Variants in HLA-DRB1 observed in about 807,000 individuals in gnomAD.
The protein encoded by HLA-DRB1 is major histocompatibility complex, class II, DR beta 1 precursor.
HLA-DRB1 carries 10 observed loss-of-function variants against 27.9 expected under a neutral mutation model. That is an observed-to-expected ratio of 0.36 (90% CI 0.22 to 0.61). The LOEUF (loss-of-function observed/expected upper bound fraction) is 0.61. Ranked by LOEUF, HLA-DRB1 falls within the 20% of genes least tolerant of loss-of-function variation. The pLI, the probability that HLA-DRB1 is intolerant of heterozygous loss-of-function variation, is 0.73. For missense variants in HLA-DRB1, 118 were observed against 306.3 expected, an observed-to-expected ratio of 0.39 and a Z score of 4.59; for synonymous variants, 57 against 126.7, an observed-to-expected ratio of 0.45 and a Z score of 3.69.
exon 1 of HLA-DRB1, chr6:32,589,813 T>A (rs1446503762): frequency 0.014 from 4,813 of 355,302 alleles, 8 homozygotes; most frequent in African/African-American, 0.1. Flanking sequence ...TATGAACCCC[T>A]CCACCCACAT....
In HLA-DRB1 at chr6:32,585,172, A is replaced by G. The variant is rs1776218697; in HGVS notation, c.101-794T>C. Among the ~76,000 whole-genome samples the G allele has an allele frequency of 8.5e-5, 8 of 94,382 alleles. 2 individuals are homozygous for G. Among genetic ancestry groups the G allele is most frequent in the Non-Finnish European group, 1.5e-4 (7 of 47,544 alleles). 61.9% of individuals were successfully genotyped at this position (94,382 alleles called of 152,430 possible). A position where few individuals can be genotyped will look rare whatever the true frequency, so the allele number is the denominator to read the frequency against. ...GACATATACAACGTTTAAAATGATA[A>G]ATGCAAAATGAATGAAAGTTTCTCC... On this transcript the variant is annotated intron_variant, in intron 1 of 5. Transcript: ENST00000360004.
chr6:32,589,432 T>TGCC (rs1777028968), intron 1 of HLA-DRB1, among the ~76,000 whole-genome samples: 1 of 71,596 alleles, frequency 1.4e-5, no homozygotes, highest in Admixed American at 1.7e-4. Flanking sequence ...AAGAAATGAT[T>TGCC]TGTGCAAAGG....
rs556119662 is a variant in HLA-DRB1, at chr6:32,587,886, G to C, written c.100+1757C>G. Among the ~76,000 whole-genome samples, 11 of 147,992 alleles carry C rather than the reference G, an allele frequency of 7.4e-5. No individual in the cohort carries two copies. In the South Asian group the frequency reaches 1.8e-3, roughly 24 times the overall value. Reference sequence around the variant, plus strand: ...CTAACTTAATCAAATAGAATGATTTGAACCTAGAATGGAGCCCAGTAAAGA... The same window carrying C: ...CTAACTTAATCAAATAGAATGATTTCAACCTAGAATGGAGCCCAGTAAAGA... On this transcript the variant is annotated intron_variant, in intron 1 of 5. Transcript: ENST00000360004.
intron 1 of HLA-DRB1, among the ~76,000 whole-genome samples, chr6:32,587,880 T>A (rs1385539521): frequency 6.7e-6 from 1 of 148,192 alleles, no homozygotes; most frequent in African/African-American, 2.5e-5. Flanking sequence ...TCAAATAGAA[T>A]GATTTGAACC....
intron 1 of HLA-DRB1, among the ~76,000 whole-genome samples, chr6:32,587,634 C>T (rs9270157): frequency 0.14 from 7,225 of 53,128 alleles, 517 homozygotes; most frequent in Middle Eastern, 0.24. Context: ...TAGATCTTCA[C>T]GACTGTCTAC....
In HLA-DRB1 at chr6:32,583,733, T is replaced by C. The variant is rs28724067; in HGVS notation, c.370+376A>G. Among the ~76,000 whole-genome samples the C allele has an allele frequency of 2.4e-3, 100 of 41,186 alleles. 2 individuals carry two copies. The highest frequency in any genetic ancestry group is 4.1e-3 in the East Asian group (6 of 1,478). 27.0% of individuals were successfully genotyped at this position (41,186 alleles called of 152,430 possible). Reference sequence around the variant, plus strand: ...TCACCCCAACCACACACACCTTACATTTCCCTTCCCTGCATCTCTAAGGAC... The same window carrying C: ...TCACCCCAACCACACACACCTTACACTTCCCTTCCCTGCATCTCTAAGGAC... On this transcript the variant is annotated intron_variant, in intron 2 of 5. Transcript: ENST00000360004.
intron 2 of HLA-DRB1, among the ~76,000 whole-genome samples, chr6:32,583,142 G>A (rs28724036): frequency 0.26 from 16,609 of 63,268 alleles, 5,001 homozygotes; most frequent in Admixed American, 0.3. Flanking sequence ...ATATTAGACC[G>A]TAGATCATTG....
intron 1 of HLA-DRB1, among the ~76,000 whole-genome samples, chr6:32,587,824 T>C (rs17210083): frequency 0.27 from 29,708 of 110,300 alleles, 4,928 homozygotes; most frequent in African/African-American, 0.32. Context: ...CTGTCTCCTC[T>C]ACTCTTGTGT....
chr6:32,580,516 A>G (rs112216378), intron 4 of HLA-DRB1, among the ~76,000 whole-genome samples: 2,807 of 123,314 alleles, frequency 0.023, 338 homozygotes, highest in East Asian at 0.057. Context: ...TCTCAAACCA[A>G]AGGACCCCTA....
At chr6:32,584,539 C>T (rs41285667) in intron 1 of HLA-DRB1, among the ~76,000 whole-genome samples, 161 bp from the exon 2 acceptor site, 45,234 of 137,882 alleles carry the variant, frequency 0.33, 3,651 homozygotes, top group Middle Eastern at 0.41. Flanking sequence ...CATCCTCCGT[C>T]TTCCTGAGGC....
chr6:32,582,212 CTG>C (rs1775641063), intron 2 of HLA-DRB1, among the ~76,000 whole-genome samples: 1 of 140,686 alleles, frequency 7.1e-6, no homozygotes, highest in Non-Finnish European at 1.5e-5. Flanking sequence ...TTTGATTCTT[CTG>C]TGTCTCAACT....
At chr6:32,585,153 T>C (rs9270010) in intron 1 of HLA-DRB1, among the ~76,000 whole-genome samples, 39,483 of 76,116 alleles carry the variant, frequency 0.52, 12,437 homozygotes, top group Middle Eastern at 0.66. Flanking sequence ...GATAGACATA[T>C]ACAACGTTTA....
At position 32,580,528 on chromosome 6, in the gene HLA-DRB1, T is replaced by C. The variant is rs28732263; in HGVS notation, c.763+218A>G. Among the ~76,000 whole-genome samples the C allele has an allele frequency of 0.092, 9,659 of 105,072 alleles. 762 individuals carry two copies. Among genetic ancestry groups the C allele is most frequent in the East Asian group, 0.11 (323 of 2,978 alleles). The allele number at this position is 105,072 out of a possible 152,430, so 68.9% of individuals were successfully genotyped here. A position where few individuals can be genotyped will look rare whatever the true frequency, so the allele number is the denominator to read the frequency against. On this transcript the variant is annotated intron_variant, in intron 4 of 5. Transcript: ENST00000360004. Reference sequence around the variant, plus strand: ...GGATCTCAAACCAAAGGACCCCTACTTGTTAACCTTCCTCTCGTCTCTGCA... The same window carrying C: ...GGATCTCAAACCAAAGGACCCCTACCTGTTAACCTTCCTCTCGTCTCTGCA...
rs1776324296 is a variant in HLA-DRB1 at position 32,585,976 on chromosome 6, G to T, written c.101-1598C>A. ...ACATGGCATATAGTGATGGCGACTG[G>T]ATTCATTTTATTTATCACTCCATTC... On this transcript the variant is annotated intron_variant, in intron 1 of 5. Transcript: ENST00000360004. Among the ~76,000 whole-genome samples the T allele has an allele frequency of 4.2e-5, 3 of 71,290 alleles. 1 individual carries two copies. Among genetic ancestry groups the T allele is most frequent in the Non-Finnish European group, 8.3e-5 (3 of 36,122 alleles). 46.8% of individuals were successfully genotyped at this position (71,290 alleles called of 152,430 possible). A position where few individuals can be genotyped will look rare whatever the true frequency, so the allele number is the denominator to read the frequency against.
intron 1 of HLA-DRB1, among the ~76,000 whole-genome samples, chr6:32,585,317 G>T (rs35084991): frequency 1.3e-5 from 1 of 76,942 alleles, no homozygotes; most frequent in African/African-American, 5.1e-5. Context: ...ACTCACTAAT[G>T]ATGGTCAAAC....
chr6:32,583,268 C>A (rs1775824802), intron 2 of HLA-DRB1, among the ~76,000 whole-genome samples: 1 of 49,044 alleles, frequency 2.0e-5, no homozygotes, highest in Non-Finnish European at 4.0e-5. Flanking sequence ...TAAAAATTAA[C>A]CAGAAACACA....
chr6:32,586,212 C>G (rs1001512056), intron 1 of HLA-DRB1, among the ~76,000 whole-genome samples: 2 of 79,944 alleles, frequency 2.5e-5, no homozygotes, highest in South Asian at 4.2e-4. Flanking sequence ...TAGCCTTTTC[C>G]TTTAGGTTCA....
intron 2 of HLA-DRB1, among the ~76,000 whole-genome samples, chr6:32,582,681 A>G (rs34861176): frequency 0.078 from 5,546 of 71,254 alleles, 219 homozygotes; most frequent in East Asian, 0.12. Context: ...AAGTTCTTAT[A>G]TTTACATTTA....
At chr6:32,583,839 A>G in intron 2 of HLA-DRB1, among the ~76,000 whole-genome samples, 1 of 72,692 alleles carries the variant, frequency 1.4e-5, no homozygotes, top group Admixed American at 1.5e-4. Context: ...CTCCAAGGAT[A>G]AGAAACAGCC....
Sources: gnomAD v4.1 joint callset for allele counts (sites outside exome capture counted in the v4.1 genomes callset) on GRCh38, gnomAD v4.1.1 for gene constraint, MANE v1.5 for transcripts, NCBI Gene and HGNC (gene_info 2026-07-23, HGNC 2026-07-21) for gene names.